The following NCAM2 variants were observed in gnomAD, a reference collection of about 807,000 sequenced individuals.
NCAM2 encodes neural cell adhesion molecule 2.
NCAM2 carries 30 observed loss-of-function variants against 98.1 expected under a neutral mutation model. That is an observed-to-expected ratio of 0.31 (90% CI 0.23 to 0.41). NCAM2 has a LOEUF of 0.41. NCAM2 is among the 10% of genes least tolerant of loss of function. The probability of loss-of-function intolerance (pLI) is 1.00; values close to 1 mark genes in which losing one functional copy is unlikely to be tolerated. For missense variants in NCAM2, 867 were observed against 1,005.8 expected (o/e 0.86, Z 1.87); for synonymous variants, 368 against 342.4 (o/e 1.07, Z -0.83).
chr21:21,393,524 A>G (rs2826827), intron 9 of NCAM2, among the ~76,000 whole-genome samples: 33,709 of 152,082 alleles, frequency 0.22, 4,077 homozygotes, highest in East Asian at 0.29. Context: ...TATTAACCTA[A>G]TAAGTATTGG....
intron 14 of NCAM2, among the ~76,000 whole-genome samples, chr21:21,470,277 TA>T (rs1166057912): frequency 6.6e-6 from 1 of 152,108 alleles, no homozygotes; most frequent in African/African-American, 2.4e-5. Context: ...ATACACAGTT[TA>T]AAACATAAAT....
In NCAM2 at chr21:21,506,017, A is replaced by C. The variant is rs559918394; in HGVS notation, c.2078-2834A>C. On this transcript the variant is annotated intron_variant, in intron 15 of 17. Coordinates refer to ENST00000400546, the MANE Select transcript of NCAM2 (RefSeq NM_004540.5). ...ACCAGGCGTTTCTTACTCCTGATGC[A>C]GTGTTTTTAAGAACAAAGCAAGAAT... Among the ~76,000 whole-genome samples, 21 of 152,142 alleles carry C rather than the reference A, an allele frequency of 1.4e-4. No homozygotes were observed. In the Middle Eastern group the frequency reaches 0.014, roughly 99 times the overall value.
intron 1 of NCAM2, among the ~76,000 whole-genome samples, chr21:21,222,473 G>A (rs189311471): frequency 3.5e-4 from 53 of 152,216 alleles, no homozygotes; most frequent in African/African-American, 1.2e-3. Flanking sequence ...TCAAAATGTC[G>A]TTAGTAACAG....
intron 1 of NCAM2, among the ~76,000 whole-genome samples, chr21:21,039,630 G>A (rs766430840): frequency 3.3e-5 from 5 of 152,276 alleles, no homozygotes; most frequent in Non-Finnish European, 4.4e-5. Context: ...ATATTCAAAT[G>A]TGTGCATATT....
At chr21:21,367,293 C>T (rs1202343890) in intron 8 of NCAM2, among the ~76,000 whole-genome samples, 1 of 151,904 alleles carries the variant, frequency 6.6e-6, no homozygotes, top group Non-Finnish European at 1.5e-5. Context: ...CGATATATTA[C>T]ATGCTGGTGA....
intron 1 of NCAM2, among the ~76,000 whole-genome samples, chr21:21,035,996 A>T (rs1568951787): frequency 6.6e-6 from 1 of 152,184 alleles, no homozygotes; most frequent in African/African-American, 2.4e-5. Flanking sequence ...TTTTTATTTG[A>T]CAGTGAGTGC....
chr21:21,389,722 C>T (rs1310288206), intron 9 of NCAM2, among the ~76,000 whole-genome samples: 1 of 152,154 alleles, frequency 6.6e-6, no homozygotes, highest in Non-Finnish European at 1.5e-5. Context: ...CCTCTGGTTT[C>T]GTCTATATTG....
chr21:21,423,703 T>G (rs2145981816), intron 11 of NCAM2, among the ~76,000 whole-genome samples: 1 of 152,284 alleles, frequency 6.6e-6, no homozygotes, highest in South Asian at 2.1e-4. Flanking sequence ...GACTCTATAC[T>G]TACCCCTATT....
intron 1 of NCAM2, among the ~76,000 whole-genome samples, chr21:21,234,132 G>T (rs1483443081): frequency 6.6e-6 from 1 of 151,754 alleles, no homozygotes; most frequent in African/African-American, 2.4e-5. Flanking sequence ...ATATTGGATT[G>T]CCACTTAGGT....
At chr21:21,244,844 T>TAAAAA (rs11410837) in intron 1 of NCAM2, among the ~76,000 whole-genome samples, 4,073 of 99,716 alleles carry the variant, frequency 0.041, 197 homozygotes, top group East Asian at 0.27. Context: ...AGACTCTGTC[T>TAAAAA]AAAAAAAAAA....
intron 1 of NCAM2, among the ~76,000 whole-genome samples, chr21:21,212,127 T>C (rs886546360): frequency 7.9e-5 from 12 of 152,220 alleles, no homozygotes; most frequent in African/African-American, 2.9e-4. Context: ...GCAGGTTTAT[T>C]TGTAATAGCC....
At position 21,081,901 on chromosome 21, in the gene NCAM2, A is replaced by G. The variant is rs532693623; in HGVS notation, c.55+83283A>G. ...CTTTATTGATTGCAATAAGTATAGA[A>G]GTGCTCTACGCATTCAATAATTGCT... is the stretch of plus-strand genomic sequence containing the variant. On this transcript the variant is annotated intron_variant, in intron 1 of 17. Transcript: ENST00000400546. 3.3e-5 allele frequency among the ~76,000 whole-genome samples: 5 copies of G among 152,194 alleles called. No individual in the cohort carries two copies. The East Asian group carries it at 9.8e-4, about 30-fold the overall frequency.
At chr21:21,105,291 G>A (rs73332340) in intron 1 of NCAM2, among the ~76,000 whole-genome samples, 1 of 151,878 alleles carries the variant, frequency 6.6e-6, no homozygotes, top group Non-Finnish European at 1.5e-5. Context: ...AATTATGAAG[G>A]GTCCATGTAA....
chr21:21,042,808 C>G (rs2064932410), intron 1 of NCAM2, among the ~76,000 whole-genome samples: 1 of 152,156 alleles, frequency 6.6e-6, no homozygotes, highest in South Asian at 2.1e-4. Flanking sequence ...TTATTTTCTG[C>G]AAGAACTGTC....
At chr21:21,334,644 A>G (rs1484411732) in intron 6 of NCAM2, among the ~76,000 whole-genome samples, 3 of 152,122 alleles carry the variant, frequency 2.0e-5, no homozygotes, top group African/African-American at 7.2e-5. Flanking sequence ...AAGAAGAGAA[A>G]AGAGGAAAAA....
chr21:21,129,103 A>G (rs1369496298), intron 1 of NCAM2, among the ~76,000 whole-genome samples: 1 of 152,224 alleles, frequency 6.6e-6, no homozygotes, highest in East Asian at 1.9e-4. Context: ...TAAAACGTAT[A>G]AATTTGCATG....
chr21:21,122,061 G>A (rs2066687479), intron 1 of NCAM2, among the ~76,000 whole-genome samples: 1 of 152,152 alleles, frequency 6.6e-6, no homozygotes, highest in Non-Finnish European at 1.5e-5. Flanking sequence ...AACAAAAATC[G>A]ATTAATGTTA....
chr21:21,310,712 A>C (rs1321276441), intron 5 of NCAM2, among the ~76,000 whole-genome samples: 1 of 152,092 alleles, frequency 6.6e-6, no homozygotes, highest in Non-Finnish European at 1.5e-5. Flanking sequence ...TCACTTTTTT[A>C]ATTGTAGAAT....
intron 1 of NCAM2, among the ~76,000 whole-genome samples, chr21:21,056,990 T>C (rs953422826): frequency 7.9e-5 from 12 of 152,014 alleles, no homozygotes; most frequent in Admixed American, 6.6e-4. Flanking sequence ...ATTTTTGTTT[T>C]ATTATAAAAA....
Sources: allele counts gnomAD v4.1 joint callset (sites outside exome capture counted in the v4.1 genomes callset), GRCh38; gene constraint gnomAD v4.1.1; transcripts MANE v1.5; gene names NCBI Gene and HGNC (gene_info 2026-07-23, HGNC 2026-07-21).